Variants in CLEC18A observed in about 807,000 individuals in gnomAD.
CLEC18A encodes C-type lectin domain family 18 member A, also known as mannose receptor-like 1.
A neutral mutation model predicts 24.0 loss-of-function variants in CLEC18A; 5 were observed. The ratio of observed to expected loss-of-function variants is 0.21; its 90% CI spans 0.11 to 0.44. The LOEUF (loss-of-function observed/expected upper bound fraction) is 0.44, where lower values mean the gene tolerates loss of function less well. Among genes scored for constraint, CLEC18A ranks in the 20% least tolerant of loss-of-function variants. The pLI, the probability that CLEC18A is intolerant of heterozygous loss-of-function variation, is 0.99. For synonymous variants in CLEC18A, 29 were observed against 100.1 expected, an observed-to-expected ratio of 0.29 and a Z score of 4.24; for missense variants, 83 against 233.4, an observed-to-expected ratio of 0.36 and a Z score of 4.20.
downstream of CLEC18A, chr16:69,964,506 CT>C (rs111959288): frequency 0.62 from 63,343 of 102,406 alleles, 16,020 homozygotes; most frequent in African/African-American, 0.73. Flanking sequence ...CTTTTCTTTT[CT>C]TTTTTTTTTT....
downstream of CLEC18A, among the ~76,000 whole-genome samples, chr16:69,965,661 C>T (rs1959367303): frequency 6.8e-6 from 1 of 146,256 alleles, no homozygotes; most frequent in Non-Finnish European, 1.5e-5. Flanking sequence ...AGGGGGTCCG[C>T]AGGCCACACC....
At chr16:69,956,956 G>A (rs1296128482) in intron 3 of CLEC18A, among the ~76,000 whole-genome samples, 3 of 147,712 alleles carry the variant, frequency 2.0e-5, no homozygotes, top group East Asian at 2.1e-4. Flanking sequence ...CACCTGCCTC[G>A]GCCTCCCAAA....
At chr16:69,946,049 C>T (rs1393114681), upstream of CLEC18A, among the ~76,000 whole-genome samples, 4 of 130,616 alleles carry the variant, frequency 3.1e-5, no homozygotes, top group Non-Finnish European at 4.8e-5. Flanking sequence ...GCCCAGATCG[C>T]GCCACTGCAC....
chr16:69,964,904 C>G (rs1794183532), downstream of CLEC18A, among the ~76,000 whole-genome samples: 1 of 152,076 alleles, frequency 6.6e-6, no homozygotes, highest in African/African-American at 2.4e-5. Flanking sequence ...CAGGCTCAAG[C>G]GATCCTCCTG....
At position 69,954,719 on chromosome 16, in the gene CLEC18A, A is replaced by G. The variant is rs1489234325; in HGVS notation, c.456+146A>G. ...AGTTTTACTTTTTTTTTTTTTTGATACGGAGTCTTGCTCTGTTGCCCAGGC... is the reference window on the plus strand; with the variant it reads ...AGTTTTACTTTTTTTTTTTTTTGATGCGGAGTCTTGCTCTGTTGCCCAGGC... On this transcript the variant is annotated intron_variant, in intron 3 of 11. Transcript: ENST00000288040. The G allele has an allele frequency of 9.1e-5, 134 of 1,472,544 alleles. 3 individuals are homozygous for G. Among genetic ancestry groups the G allele is most frequent in the Admixed American group, 1.2e-4 (5 of 41,882 alleles). 91.2% of individuals were successfully genotyped at this position (1,472,544 alleles called of 1,614,324 possible).
chr16:69,955,920 T>C (rs603951), intron 3 of CLEC18A, among the ~76,000 whole-genome samples: 19 of 152,188 alleles, frequency 1.2e-4, no homozygotes, highest in African/African-American at 3.9e-4. Flanking sequence ...TTAATACCTC[T>C]ACTACCTGTG....
upstream of CLEC18A, among the ~76,000 whole-genome samples, chr16:69,946,079 T>G (rs1271295202): frequency 1.4e-5 from 1 of 72,154 alleles, no homozygotes; most frequent in African/African-American, 6.3e-5. Context: ...AGTGACAGAG[T>G]GAGACTCTGT....
At chr16:69,964,960 C>T (rs1156664113), downstream of CLEC18A, among the ~76,000 whole-genome samples, 288 of 151,538 alleles carry the variant, frequency 1.9e-3, no homozygotes, top group African/African-American at 6.6e-3. Flanking sequence ...CACCACCACG[C>T]CCCGCTATTT....
chr16:69,945,517 T>C, the CLEC18A span, among the ~76,000 whole-genome samples: 1 of 152,178 alleles, frequency 6.6e-6, no homozygotes. Flanking sequence ...AGTTTTCAAA[T>C]TTTTTTTGAG....
At chr16:69,944,835 CAAAAAAAA>C in the CLEC18A span, among the ~76,000 whole-genome samples, 8 of 115,098 alleles carry the variant, frequency 7.0e-5, no homozygotes, top group Admixed American at 8.5e-5. Flanking sequence ...TACTCCGTCT[CAAAAAAAA>C]GAAAAAAAAG....
chr16:69,943,656 T>G, the CLEC18A span, among the ~76,000 whole-genome samples: 153 of 151,778 alleles, frequency 1.0e-3, no homozygotes, highest in African/African-American at 3.5e-3. Context: ...GAACTCCAGG[T>G]GCATGCGGTG....
chr16:69,964,869 G>A (rs553743647), downstream of CLEC18A, among the ~76,000 whole-genome samples: 58 of 152,004 alleles, frequency 3.8e-4, no homozygotes, highest in East Asian at 6.8e-3. Context: ...GGGTGCAATC[G>A]GGCTTCACTG....
intron 2 of CLEC18A, chr16:69,953,044 G>T (rs1340766533): frequency 1.3e-5 from 2 of 150,884 alleles, no homozygotes. Flanking sequence ...TGGGACCCCA[G>T]GAGGGGCTGC....
chr16:69,964,614 C>T (rs1959301545), downstream of CLEC18A, among the ~76,000 whole-genome samples: 1 of 151,194 alleles, frequency 6.6e-6, no homozygotes, highest in African/African-American at 2.4e-5. Flanking sequence ...ATTGTCCTGC[C>T]TCAGCCTCCC....
At chr16:69,954,985 C>T (rs2059014726) in intron 3 of CLEC18A, among the ~76,000 whole-genome samples, 2 of 151,946 alleles carry the variant, frequency 1.3e-5, no homozygotes, top group African/African-American at 4.8e-5. Flanking sequence ...CAGGCATGAG[C>T]CACTGTGCCC....
At chr16:69,944,048 C>T in the CLEC18A span, among the ~76,000 whole-genome samples, 1 of 134,362 alleles carries the variant, frequency 7.4e-6, no homozygotes, top group Non-Finnish European at 1.7e-5. Context: ...CTAATCCCAG[C>T]ACTTTGGAAG....
chr16:69,946,092 CAAAA>C (rs59668221), upstream of CLEC18A, among the ~76,000 whole-genome samples: 3 of 17,752 alleles, frequency 1.7e-4, 1 homozygote, highest in African/African-American at 1.2e-3. Context: ...GACTCTGTCT[CAAAA>C]AAAAAAAAAG....
chr16:69,964,441 G>GCCA (rs1959286913), downstream of CLEC18A: 2 of 150,376 alleles, frequency 1.3e-5, no homozygotes, highest in African/African-American at 4.8e-5. Context: ...ATACAGCTGG[G>GCCA]AGTCAAACCC....
Position 69,954,666 on chromosome 16 carries a change from T to A in CLEC18A, c.456+93T>A. On this transcript the variant is annotated intron_variant, in intron 3 of 11. Coordinates refer to ENST00000288040, the MANE Select transcript of CLEC18A (RefSeq NM_001370523.4). ...AAGAGGCTACAGTTTGTCCTAAATGTTGGGATTCCTTTTCCTCCAATTGGT... is the reference window on the plus strand; with the variant it reads ...AAGAGGCTACAGTTTGTCCTAAATGATGGGATTCCTTTTCCTCCAATTGGT... The A allele has an allele frequency of 3.9e-6, 6 of 1,537,790 alleles. 1 individual carries two copies. The South Asian group carries it at 7.4e-5, about 19-fold the overall frequency.
Sources: gnomAD v4.1 joint callset for allele counts (sites outside exome capture counted in the v4.1 genomes callset) on GRCh38, gnomAD v4.1.1 for gene constraint, MANE v1.5 for transcripts, NCBI Gene and HGNC (gene_info 2026-07-23, HGNC 2026-07-21) for gene names.